The following WDR25 variants were observed in gnomAD, a reference collection of about 807,000 sequenced individuals.
WDR25 encodes WD repeat domain 25, also known as WD repeat-containing protein 25.
In WDR25, 35 loss-of-function variants were observed where a neutral mutation model predicts 47.7. That is an observed-to-expected ratio of 0.73 (90% CI 0.56 to 0.97). WDR25 has a LOEUF of 0.97. Ranked by LOEUF, WDR25 falls within the 50% of genes least tolerant of loss-of-function variation. WDR25 has a pLI of 0.00. For missense variants in WDR25, 634 were observed against 704.7 expected (o/e 0.90, Z 1.14); for synonymous variants, 248 against 278.9 (o/e 0.89, Z 1.10).
At chr14:100,480,426 G>A (rs1900161270) in intron 3 of WDR25, among the ~76,000 whole-genome samples, 1 of 152,098 alleles carries the variant, frequency 6.6e-6, no homozygotes, top group African/African-American at 2.4e-5. Flanking sequence ...AATTTTCTCT[G>A]TTGATAAGTG....
chr14:100,478,541 A>C (rs1270012422), intron 3 of WDR25, among the ~76,000 whole-genome samples: 1 of 152,268 alleles, frequency 6.6e-6, no homozygotes, highest in East Asian at 1.9e-4. Context: ...CCAGAAACTT[A>C]CTAAAAAATT....
At chr14:100,524,733 C>T (rs138493171) in intron 4 of WDR25, among the ~76,000 whole-genome samples, 2 of 152,204 alleles carry the variant, frequency 1.3e-5, no homozygotes, top group East Asian at 1.9e-4. Flanking sequence ...CCGTGGAGGT[C>T]GGAAGAGGCT....
intron 4 of WDR25, among the ~76,000 whole-genome samples, chr14:100,501,045 T>C (rs1483587904): frequency 6.6e-6 from 1 of 152,246 alleles, no homozygotes; most frequent in Admixed American, 6.5e-5. Context: ...GAGCAGCTAC[T>C]GTGTGCACCG....
chr14:100,390,660 G>C (rs1040611597), intron 2 of WDR25, among the ~76,000 whole-genome samples: 3 of 152,172 alleles, frequency 2.0e-5, no homozygotes, highest in Non-Finnish European at 2.9e-5. Flanking sequence ...TCTGTGTTTA[G>C]TGTGCAGACT....
intron 2 of WDR25, among the ~76,000 whole-genome samples, chr14:100,384,296 T>A (rs1002976167): frequency 2.0e-5 from 3 of 152,274 alleles, no homozygotes; most frequent in Non-Finnish European, 4.4e-5. Flanking sequence ...TTTTAAGATA[T>A]TTGTCAGTTT....
chr14:100,487,087 T>C (rs1344680817), intron 4 of WDR25, among the ~76,000 whole-genome samples: 1 of 152,222 alleles, frequency 6.6e-6, no homozygotes, highest in African/African-American at 2.4e-5. Context: ...ATTAGAAGGA[T>C]ATTCTTTGTT....
At chr14:100,481,684 G>T (rs569404985) in intron 3 of WDR25, among the ~76,000 whole-genome samples, 2 of 152,158 alleles carry the variant, frequency 1.3e-5, no homozygotes, top group East Asian at 3.9e-4. Flanking sequence ...TTGTTTTTTA[G>T]TAGAATTGTT....
chr14:100,390,995 G>A (rs1409033111), intron 2 of WDR25, among the ~76,000 whole-genome samples: 1 of 152,142 alleles, frequency 6.6e-6, no homozygotes, highest in African/African-American at 2.4e-5. Context: ...TTCATCTCCT[G>A]TAGTCTTAGC....
At chr14:100,400,753 T>G (rs140371294) in intron 2 of WDR25, among the ~76,000 whole-genome samples, 206 of 152,324 alleles carry the variant, frequency 1.4e-3, no homozygotes, top group African/African-American at 4.8e-3. Flanking sequence ...TGCGCTTATT[T>G]AAATATTGCC....
chr14:100,460,753 G>A (rs904830150), intron 2 of WDR25, among the ~76,000 whole-genome samples: 1 of 152,156 alleles, frequency 6.6e-6, no homozygotes, highest in Non-Finnish European at 1.5e-5. Context: ...TCTTAACTGT[G>A]TAAGACTGAC....
intron 2 of WDR25, among the ~76,000 whole-genome samples, chr14:100,446,049 G>A (rs1240733620): frequency 6.6e-6 from 1 of 152,200 alleles, no homozygotes; most frequent in African/African-American, 2.4e-5. Flanking sequence ...GCTGAGTTTG[G>A]TGTTTGCCCC....
intron 2 of WDR25, among the ~76,000 whole-genome samples, chr14:100,393,666 G>A (rs141535175): frequency 6.6e-6 from 1 of 152,208 alleles, no homozygotes; most frequent in Non-Finnish European, 1.5e-5. Context: ...TGGGCAACTC[G>A]GGCAGTAGAC....
rs7401857 is a variant in WDR25, at chr14:100,478,115, A to T, written c.971-5879A>T. Among the ~76,000 whole-genome samples, 5 of 151,412 alleles carry T rather than the reference A, an allele frequency of 3.3e-5. No homozygotes were observed. In the East Asian group the frequency reaches 9.8e-4, roughly 30 times the overall value. On this transcript the variant is annotated intron_variant, in intron 3 of 6. Coordinates refer to ENST00000402312, the MANE Select transcript of WDR25 (RefSeq NM_001161476.3). ...CAAAAAAACAAAACAAAACAAAACA[A>T]AAACAAACAAAAAAACCTGTATCCC...
chr14:100,413,118 C>G (rs928905907), intron 2 of WDR25, among the ~76,000 whole-genome samples: 1 of 152,198 alleles, frequency 6.6e-6, no homozygotes, highest in Non-Finnish European at 1.5e-5. Flanking sequence ...GCATGAGTCA[C>G]CACAACTGGC....
chr14:100,524,093 T>C (rs2029993841), intron 4 of WDR25, among the ~76,000 whole-genome samples: 1 of 152,006 alleles, frequency 6.6e-6, no homozygotes, highest in Non-Finnish European at 1.5e-5. Context: ...CCCTAATGAA[T>C]TGGGCCATTT....
chr14:100,410,209 C>T (rs1472143267), intron 2 of WDR25, among the ~76,000 whole-genome samples: 1 of 152,194 alleles, frequency 6.6e-6, no homozygotes, highest in Non-Finnish European at 1.5e-5. Context: ...CACGTCAGTG[C>T]TCGTCCCTGG....
intron 5 of WDR25, among the ~76,000 whole-genome samples, chr14:100,527,640 G>A (rs1028034469): frequency 2.6e-5 from 4 of 152,218 alleles, no homozygotes; most frequent in African/African-American, 9.6e-5. Context: ...GCCTCTGAGG[G>A]TGTCCTGCCT....
chr14:100,435,880 G>C (rs1294506873), intron 2 of WDR25, among the ~76,000 whole-genome samples: 1 of 152,176 alleles, frequency 6.6e-6, no homozygotes, highest in Non-Finnish European at 1.5e-5. Flanking sequence ...TGACTTCCAG[G>C]GAGAAGAGTG....
At chr14:100,490,012 A>T (rs994289141) in intron 4 of WDR25, among the ~76,000 whole-genome samples, 4 of 152,166 alleles carry the variant, frequency 2.6e-5, no homozygotes. Context: ...TTGTAAAGGG[A>T]CATTTTGACT....
Sources: allele counts gnomAD v4.1 joint callset (sites outside exome capture counted in the v4.1 genomes callset), GRCh38; gene constraint gnomAD v4.1.1; transcripts MANE v1.5; gene names NCBI Gene and HGNC (gene_info 2026-07-23, HGNC 2026-07-21).